FRMD6: variants seen among roughly 807,000 people sequenced by gnomAD.
FRMD6 encodes the protein FERM domain-containing protein 6.
Under a neutral mutation model 73.2 loss-of-function variants are expected in FRMD6, and 37 were observed. The ratio of observed to expected loss-of-function variants is 0.51; its 90% CI spans 0.39 to 0.66. The LOEUF (loss-of-function observed/expected upper bound fraction) is 0.66. Among genes scored for constraint, FRMD6 ranks in the 30% least tolerant of loss-of-function variants. The pLI, the probability that FRMD6 is intolerant of heterozygous loss-of-function variation, is 0.00. For synonymous variants in FRMD6, 273 were observed against 282.2 expected, an observed-to-expected ratio of 0.97 and a Z score of 0.33; for missense variants, 714 against 780.5, an observed-to-expected ratio of 0.91 and a Z score of 1.02.
chr14:51,640,200 A>T (rs1891753554), intron 2 of FRMD6, among the ~76,000 whole-genome samples: 2 of 152,228 alleles, frequency 1.3e-5, no homozygotes, highest in Admixed American at 6.5e-5. Context: ...TTGTGACAAA[A>T]AGATTACTAA....
chr14:51,663,690 C>T (rs998024398), intron 1 of FRMD6, among the ~76,000 whole-genome samples: 13 of 152,074 alleles, frequency 8.5e-5, no homozygotes, highest in Non-Finnish European at 1.6e-4. Flanking sequence ...ACAGCAAACC[C>T]CCATGACACA....
intron 2 of FRMD6, among the ~76,000 whole-genome samples, chr14:51,618,435 T>C (rs2139907153): frequency 6.6e-6 from 1 of 152,234 alleles, no homozygotes; most frequent in Non-Finnish European, 1.5e-5. Flanking sequence ...TCTGGTTGCT[T>C]TGAGCAGAAC....
At chr14:51,494,484 C>T (rs1417054532) in intron 1 of FRMD6, among the ~76,000 whole-genome samples, 1 of 152,200 alleles carries the variant, frequency 6.6e-6, no homozygotes, top group Non-Finnish European at 1.5e-5. Context: ...TGATGCTGTG[C>T]CCTCCAGGCA....
intron 1 of FRMD6, among the ~76,000 whole-genome samples, chr14:51,670,037 A>G (rs66522207): frequency 1.3e-5 from 2 of 152,086 alleles, no homozygotes; most frequent in South Asian, 2.1e-4. Context: ...ACCGAAAAAA[A>G]AAAGTCCCTG....
the FRMD6 span, among the ~76,000 whole-genome samples, chr14:51,448,992 G>A: frequency 1.3e-5 from 2 of 152,272 alleles, no homozygotes; most frequent in South Asian, 4.1e-4. Flanking sequence ...ACAAGGGTAG[G>A]CAAACAATGC....
the FRMD6 span, among the ~76,000 whole-genome samples, chr14:51,462,826 G>A: frequency 6.6e-6 from 1 of 152,078 alleles, no homozygotes; most frequent in Non-Finnish European, 1.5e-5. Context: ...GAGAGAAAGG[G>A]AGAAGGGTGA....
rs147393854 is a variant in FRMD6 at position 51,658,134 on chromosome 14, G to C, written c.-147+6138G>C. Reference sequence around the variant, plus strand: ...GTAGTCCAAGCAAGTGAGTCCATTGGGGGGCTCACTGCCTGGAGGATGGGT... The same window carrying C: ...GTAGTCCAAGCAAGTGAGTCCATTGCGGGGCTCACTGCCTGGAGGATGGGT... On this transcript the variant is annotated intron_variant, in intron 1 of 13. Coordinates refer to ENST00000344768, the MANE Select transcript of FRMD6 (RefSeq NM_001267046.2). Among the ~76,000 whole-genome samples, 240 of 152,292 alleles carry C rather than the reference G, an allele frequency of 1.6e-3. 1 individual carries two copies. Among genetic ancestry groups the C allele is most frequent in the African/African-American group, 5.5e-3 (230 of 41,554 alleles).
chr14:51,678,545 G>A (rs757735063), intron 1 of FRMD6, among the ~76,000 whole-genome samples: 5 of 152,188 alleles, frequency 3.3e-5, no homozygotes, highest in South Asian at 2.1e-4. Flanking sequence ...AAAGTGTGTC[G>A]TAAAGGAACA....
Position 51,722,072 on chromosome 14 carries a change from G to C in FRMD6, c.1484G>C (p.Gly495Ala), listed in dbSNP as rs1430922848. 16 of 1,613,950 alleles carry C rather than the reference G, an allele frequency of 9.9e-6. No homozygotes were observed. Among genetic ancestry groups the C allele is most frequent in the Non-Finnish European group, 1.4e-5 (16 of 1,179,990 alleles). ...ATGCTCATGTCGCGGAAGCTGAATG[G>C]ACACTCTGGTGAGCTCTTACGGGAA... ...EDMLMSRKLNGHSGLIVKEIG... is the reference protein window; with the variant it reads ...EDMLMSRKLNAHSGLIVKEIG... Residue 495 changes from glycine (G) to alanine (A), a missense_variant, in exon 12 of 14, where the codon GGA becomes GCA. Gly to Ala is a moderately conservative substitution (Grantham distance 60). Transcript: ENST00000344768.
At chr14:51,646,012 T>C (rs186173333) in intron 2 of FRMD6, among the ~76,000 whole-genome samples, 322 of 152,056 alleles carry the variant, frequency 2.1e-3, no homozygotes, top group African/African-American at 7.2e-3. Context: ...TAGGCACACA[T>C]TGATATCACA....
chr14:51,439,013 G>C, the FRMD6 span, among the ~76,000 whole-genome samples: 1 of 152,204 alleles, frequency 6.6e-6, no homozygotes, highest in African/African-American at 2.4e-5. Flanking sequence ...ACTCAGCTCT[G>C]TCTGCTCAAT....
At chr14:51,632,758 C>A (rs538158161) in intron 2 of FRMD6, among the ~76,000 whole-genome samples, 51 of 152,264 alleles carry the variant, frequency 3.3e-4, no homozygotes, top group Admixed American at 1.2e-3. Context: ...TTAGAGAAGC[C>A]TAGAGGGCCA....
At chr14:51,408,380 G>A in the FRMD6 span, among the ~76,000 whole-genome samples, 1 of 151,932 alleles carries the variant, frequency 6.6e-6, no homozygotes, top group Non-Finnish European at 1.5e-5. Context: ...ACTCCTTACT[G>A]TCCTTCAGGA....
intron 1 of FRMD6, among the ~76,000 whole-genome samples, chr14:51,551,493 G>A (rs1205419337): frequency 2.0e-5 from 3 of 152,046 alleles, no homozygotes; most frequent in East Asian, 1.9e-4. Context: ...TTAGCACTTC[G>A]GGAGACCAAG....
upstream of FRMD6, chr14:51,650,647 G>C (rs562250725): frequency 6.6e-6 from 1 of 151,420 alleles, no homozygotes; most frequent in Non-Finnish European, 1.5e-5. Context: ...CGCCCGCCTC[G>C]GCCTCCCAAA....
At chr14:51,726,459 G>GT (rs1448954802) in intron 13 of FRMD6, among the ~76,000 whole-genome samples, 2 of 152,028 alleles carry the variant, frequency 1.3e-5, no homozygotes, top group South Asian at 2.1e-4. Context: ...TTTGTGTCTT[G>GT]TTTTTTTCCC....
chr14:51,511,727 G>A (rs1184936717), intron 1 of FRMD6, among the ~76,000 whole-genome samples: 2 of 152,218 alleles, frequency 1.3e-5, no homozygotes, highest in Non-Finnish European at 2.9e-5. Context: ...GGGGCCAGTT[G>A]GGATGGTGGA....
intron 2 of FRMD6, among the ~76,000 whole-genome samples, chr14:51,615,961 G>T (rs1890691261): frequency 6.6e-6 from 1 of 152,204 alleles, no homozygotes; most frequent in South Asian, 2.1e-4. Context: ...AGATGCAGGA[G>T]ACTTAAGCTT....
At chr14:51,459,859 C>T in the FRMD6 span, among the ~76,000 whole-genome samples, 2 of 111,194 alleles carry the variant, frequency 1.8e-5, no homozygotes, top group East Asian at 6.3e-4. Context: ...CTGACGCATA[C>T]AGCTGACTTA....
Sources: gnomAD v4.1 joint callset for allele counts (sites outside exome capture counted in the v4.1 genomes callset) on GRCh38, gnomAD v4.1.1 for gene constraint, MANE v1.5 for transcripts, NCBI Gene and HGNC (gene_info 2026-07-23, HGNC 2026-07-21) for gene names.